Variants in FAM133B observed in about 807,000 individuals in gnomAD.
FAM133B encodes family with sequence similarity 133 member B, also known as protein FAM133B.
A neutral mutation model predicts 46.4 loss-of-function variants in FAM133B; 25 were observed. That is an observed-to-expected ratio of 0.54 (90% CI 0.39 to 0.75). The LOEUF (loss-of-function observed/expected upper bound fraction) is 0.75, where lower values mean the gene tolerates loss of function less well. Ranked by LOEUF, FAM133B falls within the 30% of genes least tolerant of loss-of-function variation. The probability of loss-of-function intolerance (pLI) is 0.00; values close to 1 mark genes in which losing one functional copy is unlikely to be tolerated. For synonymous variants in FAM133B, 75 were observed against 86.0 expected (o/e 0.87, Z 0.71); for missense variants, 205 against 277.6 (o/e 0.74, Z 1.86).
At chr7:92,571,916 G>A (rs1411393673) in intron 8 of FAM133B, among the ~76,000 whole-genome samples, 1 of 152,052 alleles carries the variant, frequency 6.6e-6, no homozygotes, top group Non-Finnish European at 1.5e-5. Context: ...AATAAGTACT[G>A]TTTACTTCTT....
chr7:92,578,250 A>G lies in FAM133B; in HGVS notation c.277-68T>C, dbSNP rs895206564. The G allele has an allele frequency of 1.9e-6, 3 of 1,593,344 alleles. No individual in the cohort carries two copies. In the African/African-American group the frequency reaches 4.0e-5, roughly 21 times the overall value. ...GTTTGCAAATGCATCTATTAACAGT[A>G]GTATACAGCATTATTATGAAAATCC... is the stretch of plus-strand genomic sequence containing the variant. On this transcript the variant is annotated intron_variant, in intron 4 of 10. Coordinates refer to ENST00000445716, the MANE Select transcript of FAM133B (RefSeq NM_152789.4).
rs1232633869 is a variant in FAM133B at position 92,590,175 on chromosome 7, T to G, written c.24+93A>C. On this transcript the variant is annotated intron_variant, in intron 1 of 10. Transcript: ENST00000445716. ...AGGCCCCACGTCTGAGGGCTGCCGC[T>G]TGCCCTCCGGCCCGGCCGGGAACAG... 3 of 1,597,938 alleles carry G rather than the reference T, an allele frequency of 1.9e-6. No individual in the cohort carries two copies. In the African/African-American group the frequency reaches 4.0e-5, roughly 21 times the overall value.
intron 9 of FAM133B, among the ~76,000 whole-genome samples, chr7:92,567,746 T>A (rs1794401074): frequency 6.6e-6 from 1 of 152,186 alleles, no homozygotes; most frequent in Admixed American, 6.5e-5. Flanking sequence ...ATGTGATGAA[T>A]CTGTTTACAA....
chr7:92,580,640 A>T (rs977496364), intron 2 of FAM133B, among the ~76,000 whole-genome samples: 1 of 152,202 alleles, frequency 6.6e-6, no homozygotes, highest in African/African-American at 2.4e-5. Flanking sequence ...TGTGCTTGGT[A>T]GCCCTTCACA....
At chr7:92,567,437 T>C (rs1464819563) in intron 9 of FAM133B, among the ~76,000 whole-genome samples, 2 of 152,062 alleles carry the variant, frequency 1.3e-5, no homozygotes, top group Non-Finnish European at 2.9e-5. Context: ...ATTAAATACA[T>C]GACAAATACA....
At chr7:92,565,110 T>C (rs1187533761) in intron 10 of FAM133B, among the ~76,000 whole-genome samples, 2 of 152,012 alleles carry the variant, frequency 1.3e-5, no homozygotes, top group South Asian at 2.1e-4. Flanking sequence ...TTTCATATTG[T>C]AGCTTAAGGA....
intron 8 of FAM133B, 21 bp downstream of exon 8, chr7:92,575,750 G>A (rs1336631557): frequency 3.1e-6 from 4 of 1,297,866 alleles, no homozygotes; most frequent in Non-Finnish European, 4.4e-6. Context: ...CTATCTTAAG[G>A]CAATGTAAAA....
At chr7:92,562,980 G>A (rs1045343980) in intron 10 of FAM133B, among the ~76,000 whole-genome samples, 6 of 152,140 alleles carry the variant, frequency 3.9e-5, no homozygotes, top group Non-Finnish European at 5.9e-5. Context: ...ACTAATGCCC[G>A]GTAGAAGTAG....
chr7:92,573,770 TG>T (rs1171494026), intron 8 of FAM133B, among the ~76,000 whole-genome samples: 1 of 152,076 alleles, frequency 6.6e-6, no homozygotes, highest in Non-Finnish European at 1.5e-5. Flanking sequence ...AATAATCATA[TG>T]GTTTCTTTCC....
Position 92,575,826 on chromosome 7 carries a change from A to G in FAM133B, c.466-5T>C, listed in dbSNP as rs1226302578. 3.2e-6 allele frequency: 4 copies of G among 1,232,622 alleles called. No individual in the cohort carries two copies. The African/African-American group carries it at 5.9e-5, about 18-fold the overall frequency. 76.4% of individuals were successfully genotyped at this position (1,232,622 alleles called of 1,614,324 possible). A position where few individuals can be genotyped will look rare whatever the true frequency, so the allele number is the denominator to read the frequency against. On this transcript the variant is annotated splice_region_variant and splice_polypyrimidine_tract_variant and intron_variant, in intron 7 of 10. Coordinates refer to ENST00000445716, the MANE Select transcript of FAM133B (RefSeq NM_152789.4). ...CTTTTTCTTTTTTAAACTATCCTAA[A>G]CAAAGAAATATATGTATCAATTTTA...
intron 9 of FAM133B, among the ~76,000 whole-genome samples, chr7:92,567,917 C>T (rs1794411540): frequency 6.6e-6 from 1 of 151,844 alleles, no homozygotes; most frequent in Non-Finnish European, 1.5e-5. Flanking sequence ...GTCTGTGCCA[C>T]CATGTCTGGC....
In FAM133B at chr7:92,581,522, G is replaced by A. The variant is rs540845226; in HGVS notation, c.106C>T (p.Arg36Ter). 8 of 1,613,420 alleles carry A rather than the reference G, an allele frequency of 5.0e-6. No individual in the cohort carries two copies. Among genetic ancestry groups the A allele is most frequent in the South Asian group, 1.1e-5 (1 of 91,040 alleles). ...CACAAATACCAGGTAGGCCTTGGTCGATTCAGATAATCCTGTATTGTTGGC... is the reference window on the plus strand; with the variant it reads ...CACAAATACCAGGTAGGCCTTGGTCAATTCAGATAATCCTGTATTGTTGGC... ...SGPTIQDYLN[R>*]PRPTWEEVKE... Residue 36 changes from arginine (R) to a stop codon, truncating the protein, a stop_gained, in exon 2 of 11, where the codon CGA becomes TGA. Transcript: ENST00000445716. LOFTEE classifies it high-confidence loss of function.
chr7:92,579,310 T>C lies in FAM133B; in HGVS notation c.201+7A>G, dbSNP rs1259799013. 6.2e-7 allele frequency: 1 copy of C among 1,607,096 alleles called. No individual in the cohort carries two copies. The highest frequency in any genetic ancestry group is 1.1e-5 in the South Asian group (1 of 89,570). The stretch of plus-strand genomic sequence containing the variant: ...GTCTATTTTTTTAACAGGTACTTTT[T>C]ACAAACCTCATTCATTTTTTCTTCA... On this transcript the variant is annotated splice_region_variant and intron_variant, in intron 3 of 10. Coordinates refer to ENST00000445716, the MANE Select transcript of FAM133B (RefSeq NM_152789.4).
intron 8 of FAM133B, among the ~76,000 whole-genome samples, chr7:92,575,042 AG>A (rs1332904259): frequency 1.3e-5 from 2 of 152,240 alleles, no homozygotes; most frequent in African/African-American, 4.8e-5. Flanking sequence ...CCAGAAATTA[AG>A]GTAGGCATAA....
rs1794739213 is a variant in FAM133B at position 92,577,590 on chromosome 7, G to C, written c.372+65C>G. 6 of 1,334,288 alleles carry C rather than the reference G, an allele frequency of 4.5e-6. No homozygotes were observed. The South Asian group carries it at 8.8e-5, about 20-fold the overall frequency. 82.7% of individuals were successfully genotyped at this position (1,334,288 alleles called of 1,614,324 possible). On this transcript the variant is annotated intron_variant, in intron 6 of 10. Coordinates refer to ENST00000445716, the MANE Select transcript of FAM133B (RefSeq NM_152789.4). ...ATTTCTAACAGATATTTCACAATGG[G>C]TTTCCACTTGACATTAAAGAAATTA...
chr7:92,562,857 TAATTATTA>T (rs1294738876), intron 10 of FAM133B, among the ~76,000 whole-genome samples: 1 of 152,234 alleles, frequency 6.6e-6, no homozygotes, highest in African/African-American at 2.4e-5. Context: ...TTGCTGTCAT[TAATTATTA>T]AATTATTAAA....
At chr7:92,585,920 T>C (rs1795024829) in intron 1 of FAM133B, among the ~76,000 whole-genome samples, 2 of 152,200 alleles carry the variant, frequency 1.3e-5, no homozygotes, top group South Asian at 4.1e-4. Context: ...ACTGTCCTTA[T>C]GTAAAAATTC....
intron 1 of FAM133B, 54 bp downstream of exon 1, chr7:92,590,214 T>C: frequency 1.9e-6 from 3 of 1,613,222 alleles, no homozygotes; most frequent in African/African-American, 1.3e-5. Flanking sequence ...GGGTTCTCGC[T>C]GTCCTGCCGC....
chr7:92,565,159 T>C (rs961771834), intron 10 of FAM133B, among the ~76,000 whole-genome samples: 4 of 151,214 alleles, frequency 2.6e-5, no homozygotes, highest in Non-Finnish European at 5.9e-5. Flanking sequence ...CTTTTTTTTT[T>C]TTTTTTTTTA....
Sources: allele counts gnomAD v4.1 joint callset (sites outside exome capture counted in the v4.1 genomes callset), GRCh38; gene constraint gnomAD v4.1.1; transcripts MANE v1.5; gene names NCBI Gene and HGNC (gene_info 2026-07-23, HGNC 2026-07-21).